The following PUS1 variants were observed in gnomAD, a reference collection of about 807,000 sequenced individuals.
The protein encoded by PUS1 is pseudouridylate synthase 1 homolog.
Under a neutral mutation model 38.5 loss-of-function variants are expected in PUS1, and 25 were observed. The observed-to-expected ratio is 0.65, with a 90% CI of 0.47 to 0.91. PUS1 has a LOEUF of 0.91. Among genes scored for constraint, PUS1 ranks in the 40% least tolerant of loss-of-function variants. PUS1 has a pLI of 0.00. For missense variants in PUS1, 597 were observed against 612.3 expected (o/e 0.97, Z 0.26); for synonymous variants, 282 against 260.4 (o/e 1.08, Z -0.80).
rs567546393 is a variant in PUS1, at chr12:131,937,665, C to T, written c.442-1508C>T. Among the ~76,000 whole-genome samples, 467 of 152,286 alleles carry T rather than the reference C, an allele frequency of 3.1e-3. 4 individuals are homozygous for T. Among genetic ancestry groups the T allele is most frequent in the African/African-American group, 0.011 (451 of 41,556 alleles). ...TGCTGGGATTACAGGCATGAACCAC[C>T]GCACTCCGCCCGTTTTTTTGTTTGT... On this transcript the variant is annotated intron_variant, in intron 3 of 5. Transcript: ENST00000376649.
At position 131,941,748 on chromosome 12, in the gene PUS1, T is replaced by G; in HGVS notation, c.1001T>G (p.Val334Gly). 1.2e-6 allele frequency: 2 copies of G among 1,613,952 alleles called. No homozygotes were observed. The highest frequency in any genetic ancestry group is 1.7e-6 in the Non-Finnish European group (2 of 1,179,908). Residue 334 changes from valine (V) to glycine (G), a missense_variant, in exon 5 of 6, where the codon GTC becomes GGC. By Grantham distance (109) the Val-to-Gly change is moderately radical. Coordinates refer to ENST00000376649, the MANE Select transcript of PUS1 (RefSeq NM_025215.6). This position sits in a 1 kb window ranked among gnomAD's most constrained non-coding sequence, Gnocchi z 4.4. ...CCCAAGGCGCCCGGACTCGGCCTGGTCCTGGAGAGGGTGCACTTCGAGAAG... is the reference window on the plus strand; with the variant it reads ...CCCAAGGCGCCCGGACTCGGCCTGGGCCTGGAGAGGGTGCACTTCGAGAAG... ...DVPKAPGLGLVLERVHFEKYN... is the reference protein window; with the variant it reads ...DVPKAPGLGLGLERVHFEKYN...
rs1890480800 is a variant in PUS1, at chr12:131,929,554, G to T, written c.-169G>T. The stretch of plus-strand genomic sequence containing the variant: ...GGCGTCCAGGTCCGAGAGGTCAGGG[G>T]TCAGCTGGAGAGGGGCTGGGGCGCC... On this transcript the variant is annotated 5_prime_UTR_variant, in exon 1 of 6. Coordinates refer to ENST00000376649, the MANE Select transcript of PUS1 (RefSeq NM_025215.6). 3.5e-6 allele frequency: 2 copies of T among 564,070 alleles called. No homozygotes were observed. Among genetic ancestry groups the T allele is most frequent in the South Asian group, 4.7e-5 (2 of 42,256 alleles). The allele number at this position is 564,070 out of a possible 1,614,324, so 34.9% of individuals were successfully genotyped here.
In PUS1 at chr12:131,932,968, G is replaced by T. The variant is rs957481171; in HGVS notation, c.441+656G>T. ...CAGGAAACAGATCATGGCGGCAGGT[G>T]CGAGAGAGTGAGGAGGGTAAGGGGA... On this transcript the variant is annotated intron_variant, in intron 3 of 5. Coordinates refer to ENST00000376649, the MANE Select transcript of PUS1 (RefSeq NM_025215.6). 4.4e-4 allele frequency: 150 copies of T among 340,964 alleles called. 1 individual carries two copies. Among genetic ancestry groups the T allele is most frequent in the Non-Finnish European group, 1.2e-4 (20 of 172,688 alleles). The allele number at this position is 340,964 out of a possible 1,614,324, so 21.1% of individuals were successfully genotyped here.
chr12:131,934,511 CAG>C (rs1462490797), intron 3 of PUS1: 3 of 152,168 alleles, frequency 2.0e-5, no homozygotes, highest in African/African-American at 7.2e-5. Context: ...AATTATAGAA[CAG>C]AGATTATTAT....
At chr12:131,929,838 GCCCAGCCCAC>G (rs1890504284) in intron 1 of PUS1, 42 bp downstream of exon 1, 7 of 596,828 alleles carry the variant, frequency 1.2e-5, no homozygotes, top group Non-Finnish European at 1.7e-5. Context: ...TGCCCGCCCA[GCCCAGCCCAC>G]CCCAGTCCAC....
chr12:131,930,848 G>C (rs1890571107), intron 2 of PUS1, among the ~76,000 whole-genome samples: 1 of 151,940 alleles, frequency 6.6e-6, no homozygotes, highest in African/African-American at 2.4e-5. Flanking sequence ...TTATTTATAG[G>C]AATGGGGTCT....
Position 131,929,660 on chromosome 12 carries a change from C to T in PUS1, c.-63C>T. On this transcript the variant is annotated 5_prime_UTR_variant, in exon 1 of 6. Coordinates refer to ENST00000376649, the MANE Select transcript of PUS1 (RefSeq NM_025215.6). ...AGGTTAGGGGTCGGCAGAGGCGGAGCTGGGGCACTGGGGGTCAGGGGTCGG... is the reference window on the plus strand; with the variant it reads ...AGGTTAGGGGTCGGCAGAGGCGGAGTTGGGGCACTGGGGGTCAGGGGTCGG... 2 of 1,245,554 alleles carry T rather than the reference C, an allele frequency of 1.6e-6. No homozygotes were observed. Among genetic ancestry groups the T allele is most frequent in the Non-Finnish European group, 2.1e-6 (2 of 951,010 alleles). 77.2% of individuals were successfully genotyped at this position (1,245,554 alleles called of 1,614,324 possible).
chr12:131,939,745 C>G (rs1010674537), intron 4 of PUS1, among the ~76,000 whole-genome samples: 1 of 152,004 alleles, frequency 6.6e-6, no homozygotes, highest in African/African-American at 2.4e-5. Flanking sequence ...GCCTCCGCCT[C>G]CCGGGTTCAA....
rs1891220359 is a variant in PUS1 at position 131,944,516 on chromosome 12, A to C, written c.*930A>C. The C allele has an allele frequency of 6.6e-6, 1 of 152,112 alleles. No individual in the cohort carries two copies. The highest frequency in any genetic ancestry group is 6.5e-5 in the Admixed American group (1 of 15,280). 9.4% of individuals were successfully genotyped at this position (152,112 alleles called of 1,614,324 possible). A position where few individuals can be genotyped will look rare whatever the true frequency, so the allele number is the denominator to read the frequency against. On this transcript the variant is annotated 3_prime_UTR_variant, in exon 6 of 6. Coordinates refer to ENST00000376649, the MANE Select transcript of PUS1 (RefSeq NM_025215.6). ...GTGAGAGAGCCAAACTCCGTCAAAAAAAAAACAACAAAAAAACCCAGCATC... is the reference window on the plus strand; with the variant it reads ...GTGAGAGAGCCAAACTCCGTCAAAACAAAAACAACAAAAAAACCCAGCATC...
In PUS1 at chr12:131,930,624, A is replaced by AT. The variant is rs1263505661; in HGVS notation, c.303+498dup. Among the ~76,000 whole-genome samples the AT allele has an allele frequency of 2.2e-4, 33 of 150,930 alleles. 1 individual carries two copies. The highest frequency in any genetic ancestry group is 1.8e-3 in the Admixed American group (27 of 15,144). ...GGTCTGGGTACATTCAGGTAGGTGT[A>AT]TTTTTTTTTCTTTTTGAGGCGTGGT... On this transcript the variant is annotated intron_variant, in intron 2 of 5. Transcript: ENST00000376649.
Position 131,941,534 on chromosome 12 carries a change from A to C in PUS1, c.787A>C (p.Ile263Leu). The change falls in exon 5 of 6, where the codon ATC becomes CTC. Residue 263 changes from isoleucine (I) to leucine (L), a missense_variant. Physicochemically the swap from Ile to Leu is conservative, Grantham distance 5 (BLOSUM62 2). Transcript: ENST00000376649. The surrounding 1 kb of genome is among the most constrained non-coding windows in gnomAD (Gnocchi z 4.4). ...GPQDPSACRYILEMYCEEPFV... is the reference protein window; with the variant it reads ...GPQDPSACRYLLEMYCEEPFV... ...GCAGGATCCCAGTGCCTGCCGCTAC[A>C]TCCTGGAGATGTACTGCGAGGAACC... 1 of 1,614,214 alleles carries C rather than the reference A, an allele frequency of 6.2e-7. No homozygotes were observed. The highest frequency in any genetic ancestry group is 8.5e-7 in the Non-Finnish European group (1 of 1,180,040).
Position 131,943,583 on chromosome 12 carries a change from C to CT in PUS1, c.1282dup (p.Ter428LeufsTer66). 1 of 1,613,264 alleles carries CT rather than the reference C, an allele frequency of 6.2e-7. No individual in the cohort carries two copies. The highest frequency in any genetic ancestry group is 8.5e-7 in the Non-Finnish European group (1 of 1,179,502). The stretch of plus-strand genomic sequence containing the variant: ...GCAGTGAAGGGGACGGAGACACTGA[C>CT]TGAGGCGATGGGAGCTGCCCACCAG... On this transcript the variant is annotated frameshift_variant, in exon 6 of 6. Coordinates refer to ENST00000376649, the MANE Select transcript of PUS1 (RefSeq NM_025215.6). LOFTEE classifies it high-confidence loss of function.
intron 3 of PUS1, among the ~76,000 whole-genome samples, chr12:131,937,688 T>G (rs566331691): frequency 1.3e-5 from 2 of 152,320 alleles, no homozygotes; most frequent in South Asian, 4.1e-4. Context: ...TTTTTTTGTT[T>G]GTTTTTGCTT....
At chr12:131,940,767 A>T (rs1696116284) in intron 4 of PUS1, among the ~76,000 whole-genome samples, 1 of 151,966 alleles carries the variant, frequency 6.6e-6, no homozygotes, top group Admixed American at 6.6e-5. Flanking sequence ...TTTTTAGTAG[A>T]GATGGTGTTT....
At chr12:131,938,569 T>G (rs1890929182) in intron 3 of PUS1, among the ~76,000 whole-genome samples, 1 of 152,216 alleles carries the variant, frequency 6.6e-6, no homozygotes, top group Non-Finnish European at 1.5e-5. Flanking sequence ...CCTACCTGTG[T>G]ACGCACTGCC....
At chr12:131,936,911 CAG>C (rs1305427026) in intron 3 of PUS1, among the ~76,000 whole-genome samples, 2 of 151,892 alleles carry the variant, frequency 1.3e-5, no homozygotes, top group African/African-American at 4.8e-5. Context: ...AGTATATTCA[CAG>C]AGCTGTGCAG....
chr12:131,941,703 G>A lies in PUS1; in HGVS notation c.956G>A (p.Gly319Asp). Residue 319 changes from glycine to aspartate, a missense_variant, in exon 5 of 6, where the codon GGC becomes GAC. Transcript: ENST00000376649. This position sits in a 1 kb window ranked among gnomAD's most constrained non-coding sequence, Gnocchi z 4.4. The stretch of plus-strand genomic sequence containing the variant: ...GAGAGCGTGCTGGAGCGCAGCTGGG[G>A]CACAGAGAAGGTGGACGTGCCCAAG... ...APESVLERSW[G>D]TEKVDVPKAP... 3 of 1,614,218 alleles carry A rather than the reference G, an allele frequency of 1.9e-6. No homozygotes were observed. The highest frequency in any genetic ancestry group is 4.5e-5 in the East Asian group (2 of 44,884).
chr12:131,942,619 G>A (rs912907672), intron 5 of PUS1, among the ~76,000 whole-genome samples: 3 of 152,170 alleles, frequency 2.0e-5, no homozygotes, highest in Non-Finnish European at 4.4e-5. Flanking sequence ...TGTTAGCCAG[G>A]ATGGTCTTGA....
intron 3 of PUS1, among the ~76,000 whole-genome samples, chr12:131,933,951 CGT>C (rs1209603175): frequency 1.3e-5 from 2 of 152,194 alleles, no homozygotes; most frequent in Non-Finnish European, 2.9e-5. Context: ...GGGTAAGGAG[CGT>C]GTGTCATCTC....
Sources: gnomAD v4.1 joint callset for allele counts (sites outside exome capture counted in the v4.1 genomes callset) on GRCh38, gnomAD v4.1.1 for gene constraint, Gnocchi (gnomAD v3.1) non-coding constraint, MANE v1.5 for transcripts, NCBI Gene and HGNC (gene_info 2026-07-23, HGNC 2026-07-21) for gene names.